The following FBXL17 variants were observed in gnomAD, a reference collection of about 807,000 sequenced individuals.
The protein encoded by FBXL17 is F-box/LRR-repeat protein 17.
In FBXL17, 22 loss-of-function variants were observed where a neutral mutation model predicts 66.2. The ratio of observed to expected loss-of-function variants is 0.33; its 90% CI spans 0.24 to 0.47. FBXL17 has a LOEUF of 0.47. FBXL17 is among the 20% of genes least tolerant of loss of function. The pLI is 1.00. For synonymous variants in FBXL17, 474 were observed against 400.5 expected (o/e 1.18, Z -2.19); for missense variants, 878 against 948.2 (o/e 0.93, Z 0.97).
At chr5:108,054,519 C>A (rs1747610364) in intron 6 of FBXL17, among the ~76,000 whole-genome samples, 2 of 152,150 alleles carry the variant, frequency 1.3e-5, no homozygotes, top group Non-Finnish European at 2.9e-5. Flanking sequence ...GAAGCTCCAA[C>A]TCCCTGTTTG....
At chr5:107,996,371 G>A (rs1753471733) in intron 7 of FBXL17, among the ~76,000 whole-genome samples, 1 of 152,192 alleles carries the variant, frequency 6.6e-6, no homozygotes, top group South Asian at 2.1e-4. Flanking sequence ...CTGGAGTACA[G>A]TGGCAAGATC....
intron 7 of FBXL17, among the ~76,000 whole-genome samples, chr5:107,973,864 CTTAA>C (rs1165597749): frequency 6.6e-6 from 1 of 150,998 alleles, no homozygotes; most frequent in East Asian, 1.9e-4. Context: ...AAAAAATACA[CTTAA>C]CTAATTGTGA....
chr5:108,084,349 C>T (rs865996588), intron 6 of FBXL17, among the ~76,000 whole-genome samples: 4 of 152,198 alleles, frequency 2.6e-5, no homozygotes, highest in African/African-American at 9.6e-5. Context: ...CAAAAGGAAG[C>T]AAACTTTACT....
intron 7 of FBXL17, among the ~76,000 whole-genome samples, chr5:107,895,943 C>T (rs1227976936): frequency 6.6e-6 from 1 of 152,166 alleles, no homozygotes; most frequent in East Asian, 1.9e-4. Context: ...GCCCCCTTCA[C>T]TTCTGGCAAT....
Position 108,381,113 on chromosome 5 carries a change from G to C in FBXL17, c.579C>G (p.Pro193=), listed in dbSNP as rs929192353. ...CCCCCTTCCGCTTGCACACCATTTCGGGGGGCGTAGGGAGCTCGGCCGGTG... is the reference window on the plus strand; with the variant it reads ...CCCCCTTCCGCTTGCACACCATTTCCGGGGGCGTAGGGAGCTCGGCCGGTG... ...TPSPAELPTP[P]EMVCKRKGAG... is the part of the protein sequence containing the mutation. The change falls in exon 1 of 9, where the codon CCC becomes CCG. Residue 193 remains proline, a synonymous_variant. Transcript: ENST00000542267. The C allele has an allele frequency of 1.5e-6, 2 of 1,310,538 alleles. No homozygotes were observed. Among genetic ancestry groups the C allele is most frequent in the Non-Finnish European group, 9.7e-7 (1 of 1,031,270 alleles). The allele number at this position is 1,310,538 out of a possible 1,614,324, so 81.2% of individuals were successfully genotyped here.
At chr5:107,900,991 G>GA (rs1288107209) in intron 7 of FBXL17, among the ~76,000 whole-genome samples, 2 of 152,104 alleles carry the variant, frequency 1.3e-5, no homozygotes, top group African/African-American at 4.8e-5. Flanking sequence ...CTTATCAACT[G>GA]AAAAATATTT....
At chr5:107,893,566 C>A (rs1749273130) in intron 7 of FBXL17, among the ~76,000 whole-genome samples, 1 of 152,192 alleles carries the variant, frequency 6.6e-6, no homozygotes, top group East Asian at 1.9e-4. Context: ...TCAGGCACTA[C>A]AAAATCTTGA....
chr5:108,146,295 C>T (rs1751557771), intron 6 of FBXL17, among the ~76,000 whole-genome samples: 1 of 151,612 alleles, frequency 6.6e-6, no homozygotes, highest in Non-Finnish European at 1.5e-5. Flanking sequence ...TTAATTTTCA[C>T]CACTTTGGTA....
At chr5:108,195,728 C>T (rs1753653648) in intron 5 of FBXL17, among the ~76,000 whole-genome samples, 1 of 152,120 alleles carries the variant, frequency 6.6e-6, no homozygotes, top group Non-Finnish European at 1.5e-5. Context: ...GTGACTTGGA[C>T]CACTGTGACA....
intron 7 of FBXL17, among the ~76,000 whole-genome samples, chr5:107,968,683 C>G (rs1212027894): frequency 6.6e-6 from 1 of 151,818 alleles, no homozygotes; most frequent in Non-Finnish European, 1.5e-5. Context: ...GTGAATAATC[C>G]AAAAATAAAT....
At chr5:108,262,977 T>C (rs1756900528) in intron 4 of FBXL17, among the ~76,000 whole-genome samples, 1 of 150,470 alleles carries the variant, frequency 6.6e-6, no homozygotes, top group African/African-American at 2.4e-5. Context: ...TGAACTTAGC[T>C]GAAAACCTGC....
chr5:108,143,000 A>ATAATAATAATAC (rs1751414392), intron 6 of FBXL17, among the ~76,000 whole-genome samples: 1 of 150,994 alleles, frequency 6.6e-6, no homozygotes, highest in Non-Finnish European at 1.5e-5. Flanking sequence ...AATAATAATA[A>ATAATAATAATAC]TAAAAGATTC....
At chr5:108,132,348 C>T (rs1480515162) in intron 6 of FBXL17, among the ~76,000 whole-genome samples, 5 of 152,182 alleles carry the variant, frequency 3.3e-5, no homozygotes, top group Admixed American at 6.6e-5. Context: ...TTATCTCTTA[C>T]AGATAGTAAT....
At chr5:108,106,318 T>C (rs1017438376) in intron 6 of FBXL17, among the ~76,000 whole-genome samples, 2 of 152,228 alleles carry the variant, frequency 1.3e-5, no homozygotes, top group Non-Finnish European at 2.9e-5. Context: ...CTAGCAGGAT[T>C]ATAAAATGGT....
intron 7 of FBXL17, among the ~76,000 whole-genome samples, chr5:107,907,515 AAATG>A (rs774578691): frequency 1.3e-5 from 2 of 152,144 alleles, no homozygotes; most frequent in Non-Finnish European, 2.9e-5. Flanking sequence ...CCAAGCTACA[AAATG>A]GGAGAAAATT....
intron 6 of FBXL17, among the ~76,000 whole-genome samples, chr5:108,134,440 C>T (rs896282692): frequency 1.3e-5 from 2 of 152,018 alleles, no homozygotes; most frequent in Admixed American, 1.3e-4. Context: ...TATTTCTAAC[C>T]ATAAGTTTTT....
At chr5:107,975,318 C>T (rs2112658194) in intron 7 of FBXL17, among the ~76,000 whole-genome samples, 1 of 152,172 alleles carries the variant, frequency 6.6e-6, no homozygotes, top group East Asian at 1.9e-4. Flanking sequence ...TGGAAATTGA[C>T]TTCTCTACAG....
chr5:108,374,981 G>A (rs1201512179), intron 1 of FBXL17, among the ~76,000 whole-genome samples: 2 of 151,798 alleles, frequency 1.3e-5, no homozygotes, highest in Non-Finnish European at 2.9e-5. Context: ...CAGAAACAAG[G>A]GGGAAAAAAT....
At chr5:108,273,012 G>A (rs1441912921) in intron 4 of FBXL17, among the ~76,000 whole-genome samples, 1 of 152,112 alleles carries the variant, frequency 6.6e-6, no homozygotes, top group Non-Finnish European at 1.5e-5. Flanking sequence ...CTGGGCATCC[G>A]GGGGAGACAT....
Sources: gnomAD v4.1 joint callset for allele counts (sites outside exome capture counted in the v4.1 genomes callset) on GRCh38, gnomAD v4.1.1 for gene constraint, MANE v1.5 for transcripts, NCBI Gene and HGNC (gene_info 2026-07-23, HGNC 2026-07-21) for gene names.